Variants in CCDC88A observed in about 807,000 individuals in gnomAD.
CCDC88A encodes the protein coiled-coil and HOOK domain protein 88A.
CCDC88A carries 54 observed loss-of-function variants against 234.3 expected under a neutral mutation model. The observed-to-expected ratio is 0.23, with a 90% CI of 0.19 to 0.29. The LOEUF (loss-of-function observed/expected upper bound fraction) is 0.29, where lower values mean the gene tolerates loss of function less well. Among genes scored for constraint, CCDC88A ranks in the 10% least tolerant of loss-of-function variants. The pLI is 1.00. For synonymous variants in CCDC88A, 753 were observed against 737.8 expected (o/e 1.02, Z -0.33); for missense variants, 1,832 against 2,123.4 (o/e 0.86, Z 2.70).
chr2:55,419,531 C>G lies in CCDC88A; in HGVS notation c.-452G>C. ...AAGGATACCGAGGCGCCACCAGACT[C>G]GACCTCGGCGTTCCGACCTCTACAC... On this transcript the variant is annotated 5_prime_UTR_variant, in exon 1 of 33. Coordinates refer to ENST00000436346, the MANE Select transcript of CCDC88A (RefSeq NM_001365480.1). 1 of 138,900 alleles carries G rather than the reference C, an allele frequency of 7.2e-6. No individual in the cohort carries two copies. Among genetic ancestry groups the G allele is most frequent in the Non-Finnish European group, 1.6e-5 (1 of 63,096 alleles). The allele number at this position is 138,900 out of a possible 1,614,324, so 8.6% of individuals were successfully genotyped here. A position where few individuals can be genotyped will look rare whatever the true frequency, so the allele number is the denominator to read the frequency against.
intron 3 of CCDC88A, among the ~76,000 whole-genome samples, chr2:55,380,237 AAAAT>A (rs1553426056): frequency 6.6e-6 from 1 of 152,056 alleles, no homozygotes; most frequent in Non-Finnish European, 1.5e-5. Flanking sequence ...CTCCATCTCA[AAAAT>A]AAATAAATAA....
At chr2:55,320,864 C>T (rs1683535418) in intron 18 of CCDC88A, 1 of 152,236 alleles carries the variant, frequency 6.6e-6, no homozygotes, top group African/African-American at 2.4e-5. Flanking sequence ...AATCCCAGCA[C>T]TTCAGGAGGC....
rs1202241325 is a variant in CCDC88A, at chr2:55,344,080, T to A, written c.1188+288A>T. The A allele has an allele frequency of 1.4e-4, 50 of 360,986 alleles. 1 individual carries two copies. The East Asian group carries it at 2.1e-3, about 15-fold the overall frequency. The allele number at this position is 360,986 out of a possible 1,614,324, so 22.4% of individuals were successfully genotyped here. ...AGAATTATGAACCAATGCTAAATTT[T>A]AGCAATCAGATTTCTGTATTTTTAA... On this transcript the variant is annotated intron_variant, in intron 11 of 32. Coordinates refer to ENST00000436346, the MANE Select transcript of CCDC88A (RefSeq NM_001365480.1).
chr2:55,367,782 C>T (rs995912317), intron 5 of CCDC88A, among the ~76,000 whole-genome samples: 2 of 151,940 alleles, frequency 1.3e-5, no homozygotes, highest in African/African-American at 4.8e-5. Flanking sequence ...AAGTTCAAAA[C>T]TGGTTTTCAG....
intron 3 of CCDC88A, among the ~76,000 whole-genome samples, chr2:55,381,061 T>C (rs1033935224): frequency 2.0e-5 from 3 of 152,234 alleles, no homozygotes; most frequent in African/African-American, 7.2e-5. Context: ...CTATACCTTC[T>C]CTATGTTTAA....
chr2:55,355,393 T>C, intron 8 of CCDC88A, 186 bp downstream of exon 8: 1 of 556,498 alleles, frequency 1.8e-6, no homozygotes. Flanking sequence ...AAATCCAGAA[T>C]AAAAGGCATC....
chr2:55,376,901 G>A lies in CCDC88A; in HGVS notation c.274-2018C>T, dbSNP rs140851772. On this transcript the variant is annotated intron_variant, in intron 3 of 32. Coordinates refer to ENST00000436346, the MANE Select transcript of CCDC88A (RefSeq NM_001365480.1). ...GGCTGGAGTGCAGTGGCGCGATCTT[G>A]GCTTACTGCAACCTCCGCCTCCCTG... Among the ~76,000 whole-genome samples, 485 of 152,158 alleles carry A rather than the reference G, an allele frequency of 3.2e-3. 1 individual carries two copies. The highest frequency in any genetic ancestry group is 0.011 in the African/African-American group (453 of 41,528).
chr2:55,305,032 T>A (rs910265958), intron 25 of CCDC88A, among the ~76,000 whole-genome samples: 3 of 152,238 alleles, frequency 2.0e-5, no homozygotes, highest in African/African-American at 7.2e-5. Flanking sequence ...AGCTTTTAGT[T>A]TGACCTATTT....
chr2:55,366,563 ACACACACACACAC>A (rs1574302360), intron 5 of CCDC88A, among the ~76,000 whole-genome samples: 2 of 151,174 alleles, frequency 1.3e-5, no homozygotes, highest in African/African-American at 4.9e-5. Flanking sequence ...ACACACACAC[ACACACACACACAC>A]AAGATATGAT....
chr2:55,389,735 T>C (rs1010462073), intron 2 of CCDC88A, among the ~76,000 whole-genome samples: 4 of 151,902 alleles, frequency 2.6e-5, no homozygotes, highest in African/African-American at 7.3e-5. Context: ...AATTAATACT[T>C]AGTGTGTTAG....
intron 2 of CCDC88A, chr2:55,403,997 G>A (rs1679150847): frequency 1.3e-5 from 2 of 152,048 alleles, no homozygotes; most frequent in African/African-American, 4.8e-5. Flanking sequence ...TTCCAAAGTG[G>A]GCTGATATAC....
chr2:55,366,046 TATA>T (rs146763027), intron 5 of CCDC88A, among the ~76,000 whole-genome samples: 113 of 152,342 alleles, frequency 7.4e-4, no homozygotes, highest in African/African-American at 2.7e-3. Context: ...TAAAAACAGA[TATA>T]TAGCTTAATA....
chr2:55,351,402 T>C (rs928794987), intron 8 of CCDC88A, among the ~76,000 whole-genome samples: 2 of 151,996 alleles, frequency 1.3e-5, no homozygotes, highest in African/African-American at 4.8e-5. Flanking sequence ...GGCTAGAGTG[T>C]AGTGGTGCAG....
chr2:55,418,671 G>A, intron 2 of CCDC88A, 145 bp downstream of exon 2: 1 of 652,430 alleles, frequency 1.5e-6, no homozygotes, highest in South Asian at 1.8e-5. Context: ...CATAACATTA[G>A]CATTCCTTTC....
At chr2:55,316,192 T>A in intron 21 of CCDC88A, 78 bp from the exon 22 acceptor site, 1 of 536,626 alleles carries the variant, frequency 1.9e-6, no homozygotes, top group Non-Finnish European at 3.0e-6. Context: ...TGAAATGATA[T>A]AAATAACATT....
At chr2:55,384,018 C>T (rs936130891) in intron 3 of CCDC88A, among the ~76,000 whole-genome samples, 3 of 151,398 alleles carry the variant, frequency 2.0e-5, no homozygotes, top group South Asian at 2.1e-4. Context: ...CCAGCATGGG[C>T]GACAATACCA....
rs772790754 is a variant in CCDC88A, at chr2:55,309,047, A to T, written c.4173-24T>A. The stretch of plus-strand genomic sequence containing the variant: ...TCCTAACAGAATTTTAAAAATTGTT[A>T]TCAGTTTAAAATTCAACATACAAAT... On this transcript the variant is annotated intron_variant, in intron 24 of 32. Coordinates refer to ENST00000436346, the MANE Select transcript of CCDC88A (RefSeq NM_001365480.1). The surrounding 1 kb of genome is among the most constrained non-coding windows in gnomAD (Gnocchi z 5.1). The T allele has an allele frequency of 6.4e-7, 1 of 1,567,416 alleles. No individual in the cohort carries two copies. Among genetic ancestry groups the T allele is most frequent in the Admixed American group, 1.7e-5 (1 of 59,536 alleles).
chr2:55,394,296 G>A (rs1027456332), intron 2 of CCDC88A: 1 of 152,126 alleles, frequency 6.6e-6, no homozygotes, highest in African/African-American at 2.4e-5. Flanking sequence ...ATTCCATGGT[G>A]TATATGTGCC....
chr2:55,302,981 G>T, intron 26 of CCDC88A, 88 bp downstream of exon 26: 2 of 855,342 alleles, frequency 2.3e-6, no homozygotes, highest in African/African-American at 1.7e-5. Context: ...TAAGGAAATT[G>T]GCACAGTCCA....
Sources: allele counts gnomAD v4.1 joint callset (sites outside exome capture counted in the v4.1 genomes callset), GRCh38; gene constraint gnomAD v4.1.1; non-coding constraint Gnocchi (gnomAD v3.1); transcripts MANE v1.5; gene names NCBI Gene and HGNC (gene_info 2026-07-23, HGNC 2026-07-21).